The following UBE2Q2 variants were observed in gnomAD, a reference collection of about 807,000 sequenced individuals.
The protein encoded by UBE2Q2 is ubiquitin-conjugating enzyme E2 Q2.
Under a neutral mutation model 59.9 loss-of-function variants are expected in UBE2Q2, and 54 were observed. That is an observed-to-expected ratio of 0.90 (90% CI 0.72 to 1.13). The LOEUF is 1.13. UBE2Q2 is among the 50% of genes most tolerant of loss of function. The pLI is 0.00. For missense variants in UBE2Q2, 433 were observed against 441.9 expected (o/e 0.98, Z 0.18); for synonymous variants, 165 against 155.2 (o/e 1.06, Z -0.47).
chr15:75,879,115 C>T lies in UBE2Q2; in HGVS notation c.752C>T (p.Pro251Leu), dbSNP rs1328051846. ...ATTCTTAGGGTTGACCCTGATAGTC[C>T]TTTGCACAGTGATCTTCAGATCTTA... ...VKLQKVDPDS[P>L]LHSDLQILKE... Residue 251 changes from proline (P) to leucine (L), a missense_variant, in exon 8 of 13, where the codon CCT becomes CTT. Pro to Leu is a moderately conservative substitution (Grantham distance 98). Transcript: ENST00000267938. 4 of 1,588,554 alleles carry T rather than the reference C, an allele frequency of 2.5e-6. No individual in the cohort carries two copies. Among genetic ancestry groups the T allele is most frequent in the South Asian group, 1.2e-5 (1 of 86,156 alleles).
In UBE2Q2 at chr15:75,890,441, A is replaced by T; in HGVS notation, c.891A>T (p.Val297=). ...CTCCTTTTTTCTTTTTAAGGTATGT[A>T]TTGGGTGGAGGAGCATTATGTATGG... ...VVLPVLSGGY[V]LGGGALCMEL... The change falls in exon 10 of 13, where the codon GTA becomes GTT. Residue 297 remains valine, a synonymous_variant. Transcript: ENST00000267938. The T allele has an allele frequency of 6.2e-7, 1 of 1,603,932 alleles. No individual in the cohort carries two copies. Among genetic ancestry groups the T allele is most frequent in the Non-Finnish European group, 8.5e-7 (1 of 1,177,782 alleles).
chr15:75,880,913 T>C (rs1384308500), intron 8 of UBE2Q2, among the ~76,000 whole-genome samples: 3 of 152,256 alleles, frequency 2.0e-5, no homozygotes, highest in African/African-American at 7.2e-5. Context: ...CTTACGTAGC[T>C]TTTTTATGTG....
At position 75,890,952 on chromosome 15, in the gene UBE2Q2, A is replaced by G; in HGVS notation, c.967A>G (p.Ile323Val). ...CAGTGCCTACTCAATAGAATCGGTC[A>G]TCATGCAAATAAATGCCACCTTAGT... is the stretch of plus-strand genomic sequence containing the variant. ...WSSAYSIESVIMQINATLVKG... is the reference protein window; with the variant it reads ...WSSAYSIESVVMQINATLVKG... Residue 323 changes from isoleucine to valine, a missense_variant, in exon 11 of 13, where the codon ATC becomes GTC. Ile to Val is a conservative substitution (Grantham distance 29). Coordinates refer to ENST00000267938, the MANE Select transcript of UBE2Q2 (RefSeq NM_173469.4). 6.2e-7 allele frequency: 1 copy of G among 1,612,686 alleles called. No individual in the cohort carries two copies.
intron 9 of UBE2Q2, among the ~76,000 whole-genome samples, chr15:75,889,678 G>A (rs1425546825): frequency 6.6e-6 from 1 of 152,112 alleles, no homozygotes; most frequent in African/African-American, 2.4e-5. Flanking sequence ...TAGCTTTTGT[G>A]TTTTCAAAAT....
chr15:75,892,703 T>TA (rs1899168564), intron 11 of UBE2Q2, among the ~76,000 whole-genome samples: 1 of 151,404 alleles, frequency 6.6e-6, no homozygotes, highest in Non-Finnish European at 1.5e-5. Context: ...ACACAAAAAA[T>TA]ACGCCCCCCA....
intron 11 of UBE2Q2, among the ~76,000 whole-genome samples, chr15:75,894,467 C>G (rs1240159801): frequency 1.3e-5 from 2 of 151,970 alleles, no homozygotes; most frequent in Non-Finnish European, 2.9e-5. Flanking sequence ...GCCTGTAGTC[C>G]CAACTACTCA....
At chr15:75,881,896 A>G (rs191928976) in intron 8 of UBE2Q2, among the ~76,000 whole-genome samples, 207 of 152,298 alleles carry the variant, frequency 1.4e-3, no homozygotes, top group Non-Finnish European at 2.6e-3. Context: ...ATTTAGATAA[A>G]CTTAGGTTCA....
rs973453954 is a variant in UBE2Q2 at position 75,843,596 on chromosome 15, G to A, written c.-71G>A. 9.3e-6 allele frequency: 13 copies of A among 1,391,784 alleles called. No individual in the cohort carries two copies. In the East Asian group the frequency reaches 3.8e-4, roughly 41 times the overall value. The allele number at this position is 1,391,784 out of a possible 1,614,324, so 86.2% of individuals were successfully genotyped here. A position where few individuals can be genotyped will look rare whatever the true frequency, so the allele number is the denominator to read the frequency against. On this transcript the variant is annotated 5_prime_UTR_variant, in exon 1 of 13. Coordinates refer to ENST00000267938, the MANE Select transcript of UBE2Q2 (RefSeq NM_173469.4). The stretch of plus-strand genomic sequence containing the variant: ...GCGGGGCGGTCGCGGCCGTGACGGC[G>A]GCTCCGGGCCCGGCTCCCCTTCCGC...
chr15:75,852,425 A>G (rs1418755910), intron 1 of UBE2Q2, among the ~76,000 whole-genome samples: 2 of 152,318 alleles, frequency 1.3e-5, no homozygotes, highest in Non-Finnish European at 1.5e-5. Context: ...CCATTGAAAT[A>G]GGTACTTAGA....
At chr15:75,869,555 T>C (rs1263274127) in intron 4 of UBE2Q2, among the ~76,000 whole-genome samples, 7 of 152,192 alleles carry the variant, frequency 4.6e-5, no homozygotes, top group African/African-American at 1.7e-4. Context: ...GATACCAACA[T>C]TGGGTGTCTG....
chr15:75,860,092 A>G (rs750910279), intron 3 of UBE2Q2, 110 bp downstream of exon 3: 10 of 792,988 alleles, frequency 1.3e-5, no homozygotes, highest in Admixed American at 3.2e-5. Flanking sequence ...AGTTAGTTTC[A>G]TTTTTGTTCC....
At chr15:75,867,079 C>T (rs1222851326) in intron 3 of UBE2Q2, among the ~76,000 whole-genome samples, 3 of 152,120 alleles carry the variant, frequency 2.0e-5, no homozygotes, top group Admixed American at 1.3e-4. Context: ...CTACTGTGGC[C>T]TCCCCCTCCT....
intron 3 of UBE2Q2, among the ~76,000 whole-genome samples, chr15:75,861,815 C>A (rs943145423): frequency 1.3e-5 from 2 of 152,148 alleles, no homozygotes; most frequent in Non-Finnish European, 2.9e-5. Flanking sequence ...TTAACTGGGG[C>A]TAGTTGGACA....
intron 4 of UBE2Q2, among the ~76,000 whole-genome samples, chr15:75,871,735 C>G (rs1475645229): frequency 6.6e-6 from 1 of 152,160 alleles, no homozygotes; most frequent in East Asian, 1.9e-4. Context: ...AAGAATTTTT[C>G]TTAGTACAGA....
chr15:75,852,864 T>C (rs1412699459), intron 1 of UBE2Q2, among the ~76,000 whole-genome samples: 1 of 152,256 alleles, frequency 6.6e-6, no homozygotes, highest in Non-Finnish European at 1.5e-5. Context: ...ATACTATTAA[T>C]GATGTCCTCC....
At chr15:75,876,375 A>C (rs1898081920) in intron 6 of UBE2Q2, 104 bp downstream of exon 6, 3 of 1,015,610 alleles carry the variant, frequency 3.0e-6, no homozygotes, top group Admixed American at 5.1e-5. Context: ...GGAAATGTTT[A>C]CTAGCTTTAT....
chr15:75,844,584 G>T (rs1896225099), intron 1 of UBE2Q2: 5 of 1,324,110 alleles, frequency 3.8e-6, no homozygotes, highest in Non-Finnish European at 5.1e-6. Context: ...TCCCCGGAAA[G>T]ATCACGTATG....
intron 3 of UBE2Q2, among the ~76,000 whole-genome samples, chr15:75,868,075 C>A (rs995205799): frequency 1.3e-5 from 2 of 152,188 alleles, no homozygotes; most frequent in Non-Finnish European, 2.9e-5. Context: ...CCTCTGTGAT[C>A]ATGGGTTTGT....
At chr15:75,843,984 C>T in intron 1 of UBE2Q2, 138 bp downstream of exon 1, 2 of 1,403,956 alleles carry the variant, frequency 1.4e-6, no homozygotes, top group Non-Finnish European at 1.8e-6. Context: ...TCCCCCGCGA[C>T]TTGCCCATCC....
Sources: allele counts gnomAD v4.1 joint callset (sites outside exome capture counted in the v4.1 genomes callset), GRCh38; gene constraint gnomAD v4.1.1; transcripts MANE v1.5; gene names NCBI Gene and HGNC (gene_info 2026-07-23, HGNC 2026-07-21).